ZNF804B: variants seen among roughly 807,000 people sequenced by gnomAD.
The protein encoded by ZNF804B is zinc finger protein 804B, also known as zinc finger 804B.
ZNF804B carries 80 observed loss-of-function variants against 101.4 expected under a neutral mutation model. The ratio of observed to expected loss-of-function variants is 0.79; its 90% CI spans 0.66 to 0.95. The LOEUF is 0.95. Among genes scored for constraint, ZNF804B ranks in the 40% least tolerant of loss-of-function variants. The pLI is 0.00. For missense variants in ZNF804B, 1,673 were observed against 1,561.9 expected (o/e 1.07, Z -1.20); for synonymous variants, 622 against 558.8 (o/e 1.11, Z -1.59).
chr7:89,185,776 C>T (rs1214197837), intron 1 of ZNF804B, among the ~76,000 whole-genome samples: 7 of 152,030 alleles, frequency 4.6e-5, no homozygotes, highest in East Asian at 1.9e-4. Flanking sequence ...ATGAAAATCG[C>T]GTGAATCCTG....
intron 1 of ZNF804B, among the ~76,000 whole-genome samples, chr7:89,022,644 T>C (rs140372513): frequency 6.2e-4 from 95 of 152,342 alleles, no homozygotes; most frequent in African/African-American, 2.1e-3. Context: ...ATCAGGAGTG[T>C]CATTCTATGA....
intron 1 of ZNF804B, among the ~76,000 whole-genome samples, chr7:88,767,728 G>A (rs556803039): frequency 3.3e-5 from 5 of 152,168 alleles, no homozygotes; most frequent in Non-Finnish European, 5.9e-5. Context: ...GCATGATCCA[G>A]CCTTCACCTA....
chr7:89,201,075 T>G (rs1008235510), intron 1 of ZNF804B, among the ~76,000 whole-genome samples: 47 of 152,062 alleles, frequency 3.1e-4, no homozygotes, highest in Admixed American at 1.2e-3. Context: ...TTAGATTTTT[T>G]AAGATATAGT....
intron 1 of ZNF804B, among the ~76,000 whole-genome samples, chr7:89,099,445 G>A (rs1790021246): frequency 6.6e-6 from 1 of 152,166 alleles, no homozygotes; most frequent in South Asian, 2.1e-4. Context: ...CTGGGAAGCA[G>A]CAGCCACTAA....
intron 1 of ZNF804B, among the ~76,000 whole-genome samples, chr7:88,925,593 T>C (rs531333742): frequency 6.6e-6 from 1 of 152,248 alleles, no homozygotes; most frequent in Admixed American, 6.5e-5. Flanking sequence ...GATAAACCTG[T>C]TGACAGCTTG....
intron 1 of ZNF804B, among the ~76,000 whole-genome samples, chr7:88,850,174 G>C (rs1040223477): frequency 2.0e-5 from 3 of 152,104 alleles, no homozygotes; most frequent in African/African-American, 4.8e-5. Context: ...AAAGATCCCT[G>C]TGAGGTAAAA....
At chr7:88,912,061 A>G (rs1792557346) in intron 1 of ZNF804B, among the ~76,000 whole-genome samples, 1 of 151,872 alleles carries the variant, frequency 6.6e-6, no homozygotes. Flanking sequence ...CAATGAGAAA[A>G]TGGTTGGTGT....
At chr7:89,088,097 C>G (rs28605800) in intron 1 of ZNF804B, among the ~76,000 whole-genome samples, 50,844 of 151,630 alleles carry the variant, frequency 0.34, 9,595 homozygotes, top group East Asian at 0.52. Context: ...CAGTTTCTAA[C>G]AGAAAGAACC....
intron 2 of ZNF804B, among the ~76,000 whole-genome samples, chr7:89,247,718 A>G (rs1789472145): frequency 6.6e-6 from 1 of 152,144 alleles, no homozygotes; most frequent in African/African-American, 2.4e-5. Context: ...TAGCAACACC[A>G]AAGGATCACA....
intron 1 of ZNF804B, among the ~76,000 whole-genome samples, chr7:89,149,957 GT>G (rs1385538019): frequency 6.6e-6 from 1 of 152,000 alleles, no homozygotes; most frequent in Admixed American, 6.6e-5. Flanking sequence ...CATGATAATT[GT>G]TAATTTTGAA....
At chr7:88,866,755 C>G (rs1791732699) in intron 1 of ZNF804B, among the ~76,000 whole-genome samples, 1 of 152,118 alleles carries the variant, frequency 6.6e-6, no homozygotes, top group Admixed American at 6.5e-5. Flanking sequence ...GATCATTGTT[C>G]TAATCTACAA....
At position 88,794,058 on chromosome 7, in the gene ZNF804B, T is replaced by C. The variant is rs139090420; in HGVS notation, c.108+33974T>C. The C allele has an allele frequency of 5.9e-3, 4,104 of 694,424 alleles. 18 individuals are homozygous for C. The highest frequency in any genetic ancestry group is 7.9e-3 in the Non-Finnish European group (3,455 of 436,434). The allele number at this position is 694,424 out of a possible 1,614,324, so 43.0% of individuals were successfully genotyped here. On this transcript the variant is annotated intron_variant, in intron 1 of 3. Coordinates refer to ENST00000333190, the MANE Select transcript of ZNF804B (RefSeq NM_181646.5). The stretch of plus-strand genomic sequence containing the variant: ...AACATACTCTATAAAGATTAATATA[T>C]TACCTCTGTGTATATTGCAATGTTC...
At chr7:88,776,572 T>TG (rs1790144778) in intron 1 of ZNF804B, among the ~76,000 whole-genome samples, 3 of 147,786 alleles carry the variant, frequency 2.0e-5, no homozygotes, top group African/African-American at 5.1e-5. Flanking sequence ...TTTTTTTTTT[T>TG]TTTTTTTTTC....
At chr7:89,093,462 A>C (rs543474325) in intron 1 of ZNF804B, among the ~76,000 whole-genome samples, 1 of 152,340 alleles carries the variant, frequency 6.6e-6, no homozygotes, top group South Asian at 2.1e-4. Context: ...AGGAGTTTTA[A>C]AAAATTTGTA....
chr7:88,773,587 CTG>C (rs995668320), intron 1 of ZNF804B, among the ~76,000 whole-genome samples: 9 of 152,102 alleles, frequency 5.9e-5, no homozygotes, highest in African/African-American at 2.2e-4. Flanking sequence ...GGATAAATGA[CTG>C]TATTAGGTCA....
At chr7:88,801,597 T>C (rs1390250120) in intron 1 of ZNF804B, among the ~76,000 whole-genome samples, 1 of 152,090 alleles carries the variant, frequency 6.6e-6, no homozygotes, top group Non-Finnish European at 1.5e-5. Flanking sequence ...ATGTAAATCA[T>C]AAGCTTAAAA....
intron 2 of ZNF804B, among the ~76,000 whole-genome samples, chr7:89,300,792 A>G (rs527816078): frequency 6.6e-5 from 10 of 151,942 alleles, no homozygotes; most frequent in Non-Finnish European, 1.5e-4. Context: ...ATAAGCTTTA[A>G]TCAGGCAAAA....
chr7:89,091,737 T>G (rs1421682341), intron 1 of ZNF804B, among the ~76,000 whole-genome samples: 1 of 152,174 alleles, frequency 6.6e-6, no homozygotes, highest in African/African-American at 2.4e-5. Flanking sequence ...AAGGATTCAG[T>G]GCCTTTCTAT....
intron 1 of ZNF804B, among the ~76,000 whole-genome samples, chr7:88,808,492 A>G (rs1046280996): frequency 4.6e-5 from 7 of 151,900 alleles, no homozygotes; most frequent in African/African-American, 1.7e-4. Context: ...TGTCTAGGGT[A>G]GAGGGTAGAG....
Sources: gnomAD v4.1 joint callset for allele counts (sites outside exome capture counted in the v4.1 genomes callset) on GRCh38, gnomAD v4.1.1 for gene constraint, MANE v1.5 for transcripts, NCBI Gene and HGNC (gene_info 2026-07-23, HGNC 2026-07-21) for gene names.